RPS6KC1: variants seen among roughly 807,000 people sequenced by gnomAD.
The protein encoded by RPS6KC1 is inactive ribosomal protein S6 kinase delta-1.
Under a neutral mutation model 103.8 loss-of-function variants are expected in RPS6KC1, and 54 were observed. The observed-to-expected ratio is 0.52, with a 90% CI of 0.42 to 0.65. RPS6KC1 has a LOEUF of 0.65. Ranked by LOEUF, RPS6KC1 falls within the 30% of genes least tolerant of loss-of-function variation. The probability of loss-of-function intolerance (pLI) is 0.00; values close to 1 mark genes in which losing one functional copy is unlikely to be tolerated. For missense variants in RPS6KC1, 1,151 were observed against 1,253.8 expected (o/e 0.92, Z 1.24); for synonymous variants, 439 against 438.7 (o/e 1.00, Z -0.01).
chr1:213,403,139 C>G, the RPS6KC1 span, among the ~76,000 whole-genome samples: 3 of 151,914 alleles, frequency 2.0e-5, no homozygotes, highest in Non-Finnish European at 4.4e-5. Context: ...AAAAAAAATA[C>G]ACTTTTTAAT....
the RPS6KC1 span, among the ~76,000 whole-genome samples, chr1:213,838,063 G>A: frequency 4.7e-3 from 715 of 151,804 alleles, 5 homozygotes; most frequent in African/African-American, 0.017. Flanking sequence ...CTACTCTCTC[G>A]CTCCCATTAA....
rs537989532 is a variant in RPS6KC1 at position 213,075,236 on chromosome 1, A to G, written c.142-2460A>G. On this transcript the variant is annotated intron_variant, in intron 2 of 14. Coordinates refer to ENST00000366960, the MANE Select transcript of RPS6KC1 (RefSeq NM_012424.6). The stretch of plus-strand genomic sequence containing the variant: ...CTCATGTCCAGGTCATAATGACCTT[A>G]ACCTTACGTAATGTCCAGTTTATAA... Among the ~76,000 whole-genome samples, 10 of 152,298 alleles carry G rather than the reference A, an allele frequency of 6.6e-5. No individual in the cohort carries two copies. The South Asian group carries it at 2.1e-3, about 32-fold the overall frequency.
chr1:213,192,909 G>T (rs1305402742), intron 8 of RPS6KC1, among the ~76,000 whole-genome samples: 1 of 152,072 alleles, frequency 6.6e-6, no homozygotes, highest in East Asian at 1.9e-4. Flanking sequence ...TTTGTTTCAA[G>T]AAATTTTTCA....
At chr1:213,803,872 T>TATTC in the RPS6KC1 span, among the ~76,000 whole-genome samples, 1 of 147,810 alleles carries the variant, frequency 6.8e-6, no homozygotes, top group Non-Finnish European at 1.5e-5. Flanking sequence ...TTGTGATTTG[T>TATTC]GAATCTATAT....
the RPS6KC1 span, among the ~76,000 whole-genome samples, chr1:213,376,398 AT>A: frequency 6.6e-6 from 1 of 151,594 alleles, no homozygotes; most frequent in Non-Finnish European, 1.5e-5. Flanking sequence ...GGTTGTTTCT[AT>A]TTTTTTTAAA....
At chr1:213,858,184 C>T in the RPS6KC1 span, among the ~76,000 whole-genome samples, 1 of 152,168 alleles carries the variant, frequency 6.6e-6, no homozygotes, top group Non-Finnish European at 1.5e-5. Context: ...GAGCTTACTC[C>T]ATGCCAGTTA....
chr1:213,501,732 C>CAAAAAAAA, the RPS6KC1 span, among the ~76,000 whole-genome samples: 2 of 127,016 alleles, frequency 1.6e-5, no homozygotes, highest in Non-Finnish European at 3.4e-5. Flanking sequence ...GAGAGTCCAT[C>CAAAAAAAA]AAAAAAAAAA....
chr1:213,299,587 A>G, the RPS6KC1 span, among the ~76,000 whole-genome samples: 1 of 151,240 alleles, frequency 6.6e-6, no homozygotes, highest in Non-Finnish European at 1.5e-5. Flanking sequence ...CGTGAGCCAC[A>G]TGTGCAATTT....
At chr1:213,295,828 G>A in the RPS6KC1 span, among the ~76,000 whole-genome samples, 1 of 152,204 alleles carries the variant, frequency 6.6e-6, no homozygotes, top group African/African-American at 2.4e-5. Context: ...AGGAGGAACA[G>A]CAGAGCAAGA....
intron 6 of RPS6KC1, among the ~76,000 whole-genome samples, chr1:213,138,396 A>C (rs889586867): frequency 6.6e-6 from 1 of 151,898 alleles, no homozygotes; most frequent in African/African-American, 2.4e-5. Flanking sequence ...GTATATGTGC[A>C]GGTTCGTTAC....
At chr1:213,305,275 G>A in the RPS6KC1 span, among the ~76,000 whole-genome samples, 2 of 151,936 alleles carry the variant, frequency 1.3e-5, no homozygotes, top group Non-Finnish European at 2.9e-5. Flanking sequence ...GTAGAGATGG[G>A]TTTCACCATG....
the RPS6KC1 span, among the ~76,000 whole-genome samples, chr1:213,566,552 A>G: frequency 7.6e-6 from 1 of 131,488 alleles, no homozygotes; most frequent in African/African-American, 2.9e-5. Flanking sequence ...TTCTCAACCT[A>G]TCATTCTCAT....
chr1:213,631,426 T>C, the RPS6KC1 span, among the ~76,000 whole-genome samples: 1 of 151,958 alleles, frequency 6.6e-6, no homozygotes. Flanking sequence ...CAGGGTGTAT[T>C]GTATTCTAGT....
chr1:213,264,298 A>G (rs550486804), intron 14 of RPS6KC1, among the ~76,000 whole-genome samples: 100 of 152,302 alleles, frequency 6.6e-4, no homozygotes, highest in African/African-American at 2.3e-3. Context: ...CTTTAGATTA[A>G]GAGGTAATGA....
At chr1:213,761,105 T>A in the RPS6KC1 span, among the ~76,000 whole-genome samples, 17 of 152,180 alleles carry the variant, frequency 1.1e-4, no homozygotes, top group African/African-American at 4.1e-4. Context: ...AGATAAAGCC[T>A]TCATTCCAAG....
chr1:213,417,867 C>T, the RPS6KC1 span, among the ~76,000 whole-genome samples: 1 of 152,226 alleles, frequency 6.6e-6, no homozygotes, highest in East Asian at 1.9e-4. Flanking sequence ...AGTGTTGTTT[C>T]CCTGAACCTT....
chr1:213,217,478 T>C (rs1280140481), intron 8 of RPS6KC1, among the ~76,000 whole-genome samples: 16 of 152,206 alleles, frequency 1.1e-4, no homozygotes, highest in African/African-American at 3.9e-4. Context: ...TCTGAAACTA[T>C]TCCAATCAAT....
intron 8 of RPS6KC1, among the ~76,000 whole-genome samples, chr1:213,209,843 G>A (rs2093456892): frequency 1.3e-5 from 2 of 151,832 alleles, no homozygotes; most frequent in South Asian, 2.1e-4. Context: ...TGAGTTTTTT[G>A]GGAAAGGGGT....
chr1:213,567,910 T>A, the RPS6KC1 span, among the ~76,000 whole-genome samples: 1 of 152,222 alleles, frequency 6.6e-6, no homozygotes, highest in Non-Finnish European at 1.5e-5. Flanking sequence ...GTCAGTAACC[T>A]TGTCCTGTAA....
Sources: allele counts gnomAD v4.1 joint callset (sites outside exome capture counted in the v4.1 genomes callset), GRCh38; gene constraint gnomAD v4.1.1; transcripts MANE v1.5; gene names NCBI Gene and HGNC (gene_info 2026-07-23, HGNC 2026-07-21).